CLRN2: variants seen among roughly 807,000 people sequenced by gnomAD.
CLRN2 encodes the protein clarin-2.
In CLRN2, 17 loss-of-function variants were observed where a neutral mutation model predicts 20.1. That is an observed-to-expected ratio of 0.85 (90% CI 0.58 to 1.27). The LOEUF is 1.27. Among genes scored for constraint, CLRN2 ranks in the 50% most tolerant of loss-of-function variants. The probability of loss-of-function intolerance (pLI) is 0.00; values close to 1 mark genes in which losing one functional copy is unlikely to be tolerated. For synonymous variants in CLRN2, 140 were observed against 126.9 expected (o/e 1.10, Z -0.70); for missense variants, 288 against 299.5 (o/e 0.96, Z 0.28).
intron 1 of CLRN2, among the ~76,000 whole-genome samples, chr4:17,517,370 T>C (rs1711705165): frequency 6.6e-6 from 1 of 152,162 alleles, no homozygotes; most frequent in Non-Finnish European, 1.5e-5. Context: ...ACCTTGAGAC[T>C]TCTTCACAAA....
intron 2 of CLRN2, among the ~76,000 whole-genome samples, chr4:17,524,918 T>C (rs899498909): frequency 1.3e-5 from 2 of 152,006 alleles, no homozygotes; most frequent in Admixed American, 1.3e-4. Flanking sequence ...CACTCCAGCC[T>C]CAGCCAACAG....
chr4:17,518,529 G>C (rs551872102), intron 1 of CLRN2, among the ~76,000 whole-genome samples: 1 of 152,356 alleles, frequency 6.6e-6, no homozygotes, highest in East Asian at 1.9e-4. Flanking sequence ...GGGAGGCCAA[G>C]GCAGGTGGAT....
intron 1 of CLRN2, among the ~76,000 whole-genome samples, chr4:17,519,357 CTA>C (rs1281424027): frequency 3.3e-5 from 5 of 152,206 alleles, no homozygotes; most frequent in Non-Finnish European, 5.9e-5. Context: ...TCAAAAGACT[CTA>C]TGTTTAGAAT....
At chr4:17,518,077 A>C (rs1016321719) in intron 1 of CLRN2, among the ~76,000 whole-genome samples, 1 of 150,588 alleles carries the variant, frequency 6.6e-6, no homozygotes, top group African/African-American at 2.4e-5. Flanking sequence ...AAAAAAAATA[A>C]TCCCCACAGT....
intron 2 of CLRN2, among the ~76,000 whole-genome samples, chr4:17,524,833 C>T (rs1412633147): frequency 1.3e-5 from 2 of 151,884 alleles, no homozygotes. Flanking sequence ...AATCCCAACA[C>T]TTAGGGAGGC....
At chr4:17,518,616 C>T (rs1365190807) in intron 1 of CLRN2, among the ~76,000 whole-genome samples, 1 of 152,114 alleles carries the variant, frequency 6.6e-6, no homozygotes, top group Non-Finnish European at 1.5e-5. Flanking sequence ...CAAAAATTAG[C>T]CGGGCGTGGT....
chr4:17,523,662 G>A lies in CLRN2; in HGVS notation c.433+619G>A, dbSNP rs551274274. ...CTGAGATGGGAAAGAGATGGAGCTG[G>A]TGCTGCAGCTAAGGCTGGGAGGAAC... On this transcript the variant is annotated intron_variant, in intron 2 of 2. Transcript: ENST00000511148. Among the ~76,000 whole-genome samples the A allele has an allele frequency of 4.6e-5, 7 of 151,682 alleles. No individual in the cohort carries two copies. In the South Asian group the frequency reaches 1.3e-3, roughly 27 times the overall value.
At chr4:17,525,649 CA>C (rs1220467209) in intron 2 of CLRN2, among the ~76,000 whole-genome samples, 1 of 151,778 alleles carries the variant, frequency 6.6e-6, no homozygotes, top group East Asian at 1.9e-4. Flanking sequence ...GACCCTGTCT[CA>C]AAAACAAAAA....
At chr4:17,526,416 C>T (rs1185012113) in intron 2 of CLRN2, among the ~76,000 whole-genome samples, 11 of 152,044 alleles carry the variant, frequency 7.2e-5, no homozygotes, top group African/African-American at 2.2e-4. Flanking sequence ...AAAAATTAGC[C>T]GGCTGTGGTG....
chr4:17,519,017 A>G (rs1711768390), intron 1 of CLRN2, among the ~76,000 whole-genome samples: 1 of 152,236 alleles, frequency 6.6e-6, no homozygotes, highest in African/African-American at 2.4e-5. Flanking sequence ...TGCAGCTTTT[A>G]GTTCTCTGGT....
chr4:17,521,356 T>C (rs1405116182), intron 1 of CLRN2, among the ~76,000 whole-genome samples: 1 of 152,226 alleles, frequency 6.6e-6, no homozygotes, highest in African/African-American at 2.4e-5. Context: ...TTCTCAGGAC[T>C]GGGAGACGCC....
At chr4:17,518,070 A>G (rs1296763508) in intron 1 of CLRN2, among the ~76,000 whole-genome samples, 1 of 152,008 alleles carries the variant, frequency 6.6e-6, no homozygotes, top group Non-Finnish European at 1.5e-5. Flanking sequence ...AGAAAAAAAA[A>G]AAAATAATCC....
At chr4:17,526,685 C>A in intron 2 of CLRN2, 132 bp from the exon 3 acceptor site, 3 of 1,042,850 alleles carry the variant, frequency 2.9e-6, no homozygotes, top group Non-Finnish European at 4.2e-6. Context: ...CTTTTAAAAG[C>A]AAATTAAAAC....
rs368155472 is a variant in CLRN2 at position 17,527,035 on chromosome 4, A to G, written c.652A>G (p.Thr218Ala). 1.9e-6 allele frequency: 3 copies of G among 1,613,786 alleles called. No homozygotes were observed. Among genetic ancestry groups the G allele is most frequent in the African/African-American group, 2.7e-5 (2 of 74,888 alleles). The part of the protein sequence containing the change: ...ISQIPLPEIK[T>A]KIEEATVTAE... ...TCAAATTCCCCTCCCTGAGATTAAG[A>G]CCAAAATCGAAGAGGCCACGGTCAC... The change falls in exon 3 of 3, where the codon ACC becomes GCC. Residue 218 changes from threonine (T) to alanine (A), a missense_variant. Coordinates refer to ENST00000511148, the MANE Select transcript of CLRN2 (RefSeq NM_001079827.2).
At chr4:17,518,895 A>G (rs1386094396) in intron 1 of CLRN2, among the ~76,000 whole-genome samples, 2 of 152,222 alleles carry the variant, frequency 1.3e-5, no homozygotes, top group Non-Finnish European at 2.9e-5. Context: ...CATTTTTACT[A>G]TGCTAGAGAA....
rs1156643058 is a variant in CLRN2 at position 17,522,997 on chromosome 4, G to C, written c.387G>C (p.Arg129=). ...TTAACATGATCCAGGTCCCGTACCGGGCAGTCAGCGGTCCTGGGGGCATCT... is the reference window on the plus strand; with the variant it reads ...TTAACATGATCCAGGTCCCGTACCGCGCAGTCAGCGGTCCTGGGGGCATCT... ...AILNMIQVPY[R]AVSGPGGICL... is the part of the protein sequence containing the mutation. Residue 129 remains arginine (R), a synonymous_variant, in exon 2 of 3, where the codon CGG becomes CGC. Transcript: ENST00000511148. The C allele has an allele frequency of 1.9e-6, 3 of 1,613,616 alleles. No homozygotes were observed. Among genetic ancestry groups the C allele is most frequent in the Non-Finnish European group, 2.5e-6 (3 of 1,179,892 alleles).
chr4:17,523,122 G>T, intron 2 of CLRN2, 79 bp downstream of exon 2: 1 of 1,289,178 alleles, frequency 7.8e-7, no homozygotes. Context: ...CAGAAGGTGT[G>T]AAGGAACTAA....
At chr4:17,521,350 C>G (rs1347348896) in intron 1 of CLRN2, among the ~76,000 whole-genome samples, 1 of 152,212 alleles carries the variant, frequency 6.6e-6, no homozygotes, top group African/African-American at 2.4e-5. Flanking sequence ...CTCTAGTTCT[C>G]AGGACTGGGA....
At chr4:17,523,284 A>G (rs1351980019) in intron 2 of CLRN2, among the ~76,000 whole-genome samples, 1 of 149,126 alleles carries the variant, frequency 6.7e-6, no homozygotes, top group Admixed American at 6.8e-5. Context: ...GTGCGATCTC[A>G]GTTCACTGCA....
Sources: allele counts gnomAD v4.1 joint callset (sites outside exome capture counted in the v4.1 genomes callset), GRCh38; gene constraint gnomAD v4.1.1; transcripts MANE v1.5; gene names NCBI Gene and HGNC (gene_info 2026-07-23, HGNC 2026-07-21).